Variants in CASK observed in about 807,000 individuals in gnomAD.
CASK encodes peripheral plasma membrane protein CASK.
In CASK, 4 loss-of-function variants were observed where a neutral mutation model predicts 82.9. The ratio of observed to expected loss-of-function variants is 0.05; its 90% CI spans 0.02 to 0.11. The LOEUF (loss-of-function observed/expected upper bound fraction) is 0.11, where lower values mean the gene tolerates loss of function less well. CASK is among the 10% of genes least tolerant of loss of function. The pLI is 1.00. For synonymous variants in CASK, 259 were observed against 253.5 expected (o/e 1.02, Z -0.20); for missense variants, 358 against 720.9 (o/e 0.50, Z 5.76).
At chrX:41,672,333 C>T (rs1314490350) in intron 5 of CASK, among the ~76,000 whole-genome samples, 1 of 110,657 alleles carries the variant, frequency 9.0e-6, no homozygotes, top group Non-Finnish European at 1.9e-5. Flanking sequence ...GCATCTATTT[C>T]TTACTGGGAC....
chrX:41,852,092 C>T (rs954541780), intron 2 of CASK, among the ~76,000 whole-genome samples: 2 of 110,837 alleles, frequency 1.8e-5, no homozygotes, highest in African/African-American at 6.5e-5. Context: ...AATATTAAAG[C>T]ACTAAAAACA....
At chrX:41,643,752 G>A (rs189837027) in intron 8 of CASK, among the ~76,000 whole-genome samples, 14 of 111,643 alleles carry the variant, frequency 1.3e-4, no homozygotes, top group East Asian at 1.1e-3. Flanking sequence ...TTTCCTAATC[G>A]AATACCTTTT....
intron 2 of CASK, among the ~76,000 whole-genome samples, chrX:41,833,773 G>A (rs927295638): frequency 1.8e-5 from 2 of 111,150 alleles, no homozygotes; most frequent in African/African-American, 6.6e-5. Flanking sequence ...TTTTGAGGCA[G>A]GATCTTACTC....
At chrX:41,710,912 G>A (rs867450976) in intron 5 of CASK, among the ~76,000 whole-genome samples, 1 of 112,542 alleles carries the variant, frequency 8.9e-6, no homozygotes, top group South Asian at 3.7e-4. Flanking sequence ...AACTTGTGGA[G>A]TTTCCCAGAT....
At chrX:41,831,830 G>A (rs957471022) in intron 2 of CASK, among the ~76,000 whole-genome samples, 6 of 110,627 alleles carry the variant, frequency 5.4e-5, no homozygotes, top group Admixed American at 9.6e-5. Flanking sequence ...GCATTGTGGT[G>A]CACGCCTGTA....
At chrX:41,528,776 T>C (rs757053741) in intron 25 of CASK, among the ~76,000 whole-genome samples, 1 of 111,903 alleles carries the variant, frequency 8.9e-6, no homozygotes, top group South Asian at 3.8e-4. Context: ...CCTGGAGCAG[T>C]GAGGCTCTGC....
chrX:41,716,311 T>C (rs984163775), intron 5 of CASK, among the ~76,000 whole-genome samples: 2 of 112,175 alleles, frequency 1.8e-5, no homozygotes, highest in African/African-American at 6.5e-5. Flanking sequence ...GAACAGGCAA[T>C]GAAAACACTG....
intron 9 of CASK, among the ~76,000 whole-genome samples, chrX:41,635,349 G>A (rs1038049182): frequency 1.8e-5 from 2 of 111,094 alleles, no homozygotes; most frequent in Admixed American, 9.7e-5. Context: ...TAATTTCAGG[G>A]GTTGAAAAAT....
Position 41,748,529 on chromosome X carries a change from C to T in CASK, c.279-2928G>A, listed in dbSNP as rs113613736. On this transcript the variant is annotated intron_variant, in intron 3 of 26. Coordinates refer to ENST00000378163, the MANE Select transcript of CASK (RefSeq NM_001367721.1). ...CACCAGTTTGGATTCACTGTACTAA[C>T]GACCTCAGCTGGCATTATGGACCAT... is the stretch of plus-strand genomic sequence containing the variant. The T allele has an allele frequency of 3.8e-3, 823 of 217,721 alleles. 6 individuals carry two copies. The highest frequency in any genetic ancestry group is 0.023 in the African/African-American group (766 of 33,230). 17.9% of individuals were successfully genotyped at this position (217,721 alleles called of 1,213,427 possible).
intron 1 of CASK, among the ~76,000 whole-genome samples, chrX:41,858,119 G>C (rs752634129): frequency 4.5e-5 from 5 of 111,778 alleles, no homozygotes; most frequent in African/African-American, 1.6e-4. Context: ...CCAATAAAAA[G>C]CATGCCTGGA....
chrX:41,776,828 T>C (rs2069373993), intron 3 of CASK, among the ~76,000 whole-genome samples: 1 of 112,647 alleles, frequency 8.9e-6, no homozygotes, highest in African/African-American at 3.2e-5. Context: ...ACGAATTGGA[T>C]GATTCAACAC....
intron 5 of CASK, among the ~76,000 whole-genome samples, chrX:41,673,351 C>T (rs1294175587): frequency 8.9e-6 from 1 of 111,749 alleles, no homozygotes; most frequent in African/African-American, 3.3e-5. Flanking sequence ...AACTCCTGGT[C>T]TCAAGTGATC....
At chrX:41,627,706 A>G (rs965236589) in intron 9 of CASK, among the ~76,000 whole-genome samples, 1 of 112,764 alleles carries the variant, frequency 8.9e-6, no homozygotes, top group Non-Finnish European at 1.9e-5. Flanking sequence ...TCTGTAAAGT[A>G]AGAATATGAA....
At chrX:41,877,546 G>A (rs1232430530) in intron 1 of CASK, among the ~76,000 whole-genome samples, 2 of 111,242 alleles carry the variant, frequency 1.8e-5, no homozygotes, top group African/African-American at 6.5e-5. Context: ...AAAGCCCAGA[G>A]GGTGAGGGTA....
intron 5 of CASK, among the ~76,000 whole-genome samples, chrX:41,690,631 G>C (rs1455658340): frequency 9.3e-6 from 1 of 107,998 alleles, no homozygotes; most frequent in Non-Finnish European, 1.9e-5. Context: ...AAAGTGCTGG[G>C]ATTACAGGCA....
At chrX:41,768,050 C>T (rs1166919291) in intron 3 of CASK, among the ~76,000 whole-genome samples, 1 of 111,486 alleles carries the variant, frequency 9.0e-6, no homozygotes, top group African/African-American at 3.3e-5. Context: ...TATCACTATG[C>T]ACTCATAAGT....
At chrX:41,817,733 T>TC (rs900594271) in intron 2 of CASK, among the ~76,000 whole-genome samples, 1 of 111,296 alleles carries the variant, frequency 9.0e-6, no homozygotes, top group African/African-American at 3.3e-5. Context: ...TCAGTTGTAT[T>TC]TATATATTCC....
At chrX:41,723,779 C>CT (rs1184442479) in intron 5 of CASK, among the ~76,000 whole-genome samples, 4 of 111,921 alleles carry the variant, frequency 3.6e-5, no homozygotes, top group Non-Finnish European at 7.5e-5. Context: ...TATAAGAAAA[C>CT]TTTGAGTTTT....
At chrX:41,822,609 G>C (rs186384571) in intron 2 of CASK, among the ~76,000 whole-genome samples, 11 of 108,149 alleles carry the variant, frequency 1.0e-4, no homozygotes, top group Middle Eastern at 4.8e-3. Context: ...AAAAATGCAG[G>C]CTTGCTTAGA....
Sources: allele counts gnomAD v4.1 joint callset (sites outside exome capture counted in the v4.1 genomes callset), GRCh38; gene constraint gnomAD v4.1.1; transcripts MANE v1.5; gene names NCBI Gene and HGNC (gene_info 2026-07-23, HGNC 2026-07-21).